The following GRIK3 variants were observed in gnomAD, a reference collection of about 807,000 sequenced individuals.
GRIK3 encodes glutamate ionotropic receptor kainate type subunit 3, also known as glutamate receptor ionotropic, kainate 3.
GRIK3 carries 29 observed loss-of-function variants against 102.5 expected under a neutral mutation model. The ratio of observed to expected loss-of-function variants is 0.28; its 90% confidence interval spans 0.21 to 0.39. The LOEUF is 0.39. GRIK3 is among the 10% of genes least tolerant of loss of function. The pLI is 1.00. For missense variants in GRIK3, 908 were observed against 1,252.4 expected (o/e 0.73, Z 4.15); for synonymous variants, 511 against 504.9 (o/e 1.01, Z -0.16).
At chr1:36,805,900 C>G (rs559772144) in intron 14 of GRIK3, among the ~76,000 whole-genome samples, 21 of 133,258 alleles carry the variant, frequency 1.6e-4, no homozygotes, top group African/African-American at 6.1e-4. Flanking sequence ...CATGCCACTG[C>G]ACTCCAGCCT....
chr1:36,846,992 T>A (rs1327440400), intron 9 of GRIK3, among the ~76,000 whole-genome samples: 1 of 152,232 alleles, frequency 6.6e-6, no homozygotes, highest in East Asian at 1.9e-4. Flanking sequence ...CAGGAAACAG[T>A]AGGCTTCTCT....
intron 1 of GRIK3, among the ~76,000 whole-genome samples, chr1:36,992,441 G>T (rs770979448): frequency 6.6e-6 from 1 of 152,166 alleles, no homozygotes; most frequent in South Asian, 2.1e-4. Flanking sequence ...AAATGTTCAC[G>T]TTACAAAGTC....
chr1:36,899,386 G>A (rs1017349224), intron 1 of GRIK3, among the ~76,000 whole-genome samples: 18 of 152,230 alleles, frequency 1.2e-4, no homozygotes, highest in African/African-American at 4.3e-4. Context: ...AATAAACATT[G>A]AGGACAGTAG....
Position 36,825,677 on chromosome 1 carries a change from G to A in GRIK3, c.1680C>T (p.Pro560=). 1 of 1,613,564 alleles carries A rather than the reference G, an allele frequency of 6.2e-7. No homozygotes were observed. The highest frequency in any genetic ancestry group is 8.5e-7 in the Non-Finnish European group (1 of 1,179,762). ...CATACATCCAGATGTCTGGGGACAG[G>A]GGATTGAGGAAGGAGAAGACGCTGG... ...TNPSVFSFLN[P]LSPDIWMYVL... is the part of the protein sequence containing the mutation. Residue 560 remains proline (P), a synonymous_variant, in exon 11 of 16, where the codon CCC becomes CCT. Transcript: ENST00000373091.
chr1:36,962,531 G>C (rs1459969127), intron 1 of GRIK3, among the ~76,000 whole-genome samples: 4 of 151,890 alleles, frequency 2.6e-5, no homozygotes, highest in Non-Finnish European at 5.9e-5. Flanking sequence ...AGAAGACCTG[G>C]AGACTCCTAA....
At chr1:36,996,942 T>C (rs961417198) in intron 1 of GRIK3, among the ~76,000 whole-genome samples, 14 of 152,202 alleles carry the variant, frequency 9.2e-5, no homozygotes, top group African/African-American at 3.4e-4. Context: ...AGGGTGCTAC[T>C]GGCCAGGGAT....
At chr1:36,957,883 C>T (rs1641941359) in intron 1 of GRIK3, among the ~76,000 whole-genome samples, 1 of 99,514 alleles carries the variant, frequency 1.0e-5, no homozygotes, top group African/African-American at 5.0e-5. Context: ...ACTCTGTGCC[C>T]CTGAGTCTGT....
At chr1:36,958,565 C>G (rs2124344743) in intron 1 of GRIK3, among the ~76,000 whole-genome samples, 1 of 148,482 alleles carries the variant, frequency 6.7e-6, no homozygotes, top group South Asian at 2.2e-4. Context: ...GAGTCTGTGC[C>G]CTGTGACTCT....
chr1:36,880,665 C>T lies in GRIK3; in HGVS notation c.519G>A (p.Arg173=), dbSNP rs201594652. ...TGTCGTCATAGACCACGGTGGCTGACCGCCACTTGAGGTACTGGACCAGGT... is the reference window on the plus strand; with the variant it reads ...TGTCGTCATAGACCACGGTGGCTGATCGCCACTTGAGGTACTGGACCAGGT... ...ILDLVQYLKW[R]SATVVYDDST... is the part of the protein sequence containing the mutation. The change falls in exon 3 of 16, where the codon CGG becomes CGA. Residue 173 remains arginine (R), a synonymous_variant. Transcript: ENST00000373091. The surrounding 1 kb of genome is among the most constrained non-coding windows in gnomAD (Gnocchi z 5.4). 5 of 1,614,148 alleles carry T rather than the reference C, an allele frequency of 3.1e-6. No individual in the cohort carries two copies. The highest frequency in any genetic ancestry group is 4.2e-6 in the Non-Finnish European group (5 of 1,180,002).
At chr1:36,803,869 G>A (rs535204660) in intron 15 of GRIK3, among the ~76,000 whole-genome samples, 5 of 152,078 alleles carry the variant, frequency 3.3e-5, no homozygotes, top group South Asian at 2.1e-4. Context: ...CCATCTCTTC[G>A]TGTTATAATT....
rs190246073 is a variant in GRIK3, at chr1:37,033,441, C to A, written c.115+553G>T. Among the ~76,000 whole-genome samples, 304 of 152,246 alleles carry A rather than the reference C, an allele frequency of 2.0e-3. 1 individual carries two copies. The highest frequency in any genetic ancestry group is 6.9e-3 in the African/African-American group (286 of 41,560). ...CTCCCCCAACCCCCGCCCCATGGCA[C>A]GGGGCTGAACCGGTACCACCGAGGC... On this transcript the variant is annotated intron_variant, in intron 1 of 15. Coordinates refer to ENST00000373091, the MANE Select transcript of GRIK3 (RefSeq NM_000831.4).
At chr1:36,807,606 G>T (rs1335433800) in intron 13 of GRIK3, among the ~76,000 whole-genome samples, 1 of 152,112 alleles carries the variant, frequency 6.6e-6, no homozygotes, top group Admixed American at 6.5e-5. Flanking sequence ...TAAGGAGCCT[G>T]GGAGGAAAGT....
intron 3 of GRIK3, among the ~76,000 whole-genome samples, chr1:36,875,042 C>A (rs999340609): frequency 1.1e-4 from 16 of 152,210 alleles, no homozygotes; most frequent in African/African-American, 3.9e-4. Flanking sequence ...TTTTCACTCA[C>A]AAAGCGCTTC....
chr1:36,990,291 C>G (rs1334729083), intron 1 of GRIK3, among the ~76,000 whole-genome samples: 1 of 152,230 alleles, frequency 6.6e-6, no homozygotes, highest in Non-Finnish European at 1.5e-5. Context: ...TGACACCATC[C>G]TGCTGTATCC....
At chr1:36,848,251 A>G (rs1640541867) in intron 9 of GRIK3, among the ~76,000 whole-genome samples, 1 of 152,158 alleles carries the variant, frequency 6.6e-6, no homozygotes, top group African/African-American at 2.4e-5. Context: ...CTTTTGGTAT[A>G]TTACCTTTAG....
chr1:36,963,615 G>A (rs1161519005), intron 1 of GRIK3, among the ~76,000 whole-genome samples: 1 of 152,168 alleles, frequency 6.6e-6, no homozygotes. Context: ...CTGGGAAGTG[G>A]TGGAACTGGG....
intron 1 of GRIK3, among the ~76,000 whole-genome samples, chr1:36,992,446 A>G (rs1642372648): frequency 6.6e-6 from 1 of 152,208 alleles, no homozygotes; most frequent in Admixed American, 6.5e-5. Context: ...TTCACGTTAC[A>G]AAGTCAAATT....
intron 1 of GRIK3, among the ~76,000 whole-genome samples, chr1:37,011,914 C>CA (rs1185567322): frequency 6.6e-6 from 1 of 152,132 alleles, no homozygotes; most frequent in Non-Finnish European, 1.5e-5. Flanking sequence ...CCCTGGAAAG[C>CA]AAACCTTTTT....
chr1:36,803,733 GC>G lies in GRIK3; in HGVS notation c.2565+1253del, dbSNP rs1382287960. 5.3e-5 allele frequency among the ~76,000 whole-genome samples: 8 copies of G among 152,276 alleles called. No individual in the cohort carries two copies. The East Asian group carries it at 1.4e-3, about 26-fold the overall frequency. ...CGTGAGCCACCGCACCTGGCTGGGA[GC>G]TCCTTTTAACTGTAATGGGAATTCT... On this transcript the variant is annotated intron_variant, in intron 15 of 15. Transcript: ENST00000373091.
Sources: allele counts gnomAD v4.1 joint callset (sites outside exome capture counted in the v4.1 genomes callset), GRCh38; gene constraint gnomAD v4.1.1; non-coding constraint Gnocchi (gnomAD v3.1); transcripts MANE v1.5; gene names NCBI Gene and HGNC (gene_info 2026-07-23, HGNC 2026-07-21).